CHAF1B: variants seen among roughly 807,000 people sequenced by gnomAD.
The protein encoded by CHAF1B is chromatin assembly factor 1 subunit B.
CHAF1B carries 10 observed loss-of-function variants against 60.7 expected under a neutral mutation model. That is an observed-to-expected ratio of 0.16 (90% CI 0.10 to 0.28). CHAF1B has a LOEUF of 0.28. Ranked by LOEUF, CHAF1B falls within the 10% of genes least tolerant of loss-of-function variation. The probability of loss-of-function intolerance (pLI) is 1.00; values close to 1 mark genes in which losing one functional copy is unlikely to be tolerated. For synonymous variants in CHAF1B, 261 were observed against 266.1 expected (o/e 0.98, Z 0.19); for missense variants, 558 against 708.4 (o/e 0.79, Z 2.41).
chr21:36,401,522 T>C, intron 7 of CHAF1B, among the ~76,000 whole-genome samples: 1 of 73,460 alleles, frequency 1.4e-5, no homozygotes, highest in Non-Finnish European at 2.2e-5. Context: ...ATACATAATA[T>C]ATATTTTTAT....
intron 7 of CHAF1B, 127 bp downstream of exon 7, chr21:36,399,732 G>A: frequency 1.4e-6 from 1 of 734,334 alleles, no homozygotes. Flanking sequence ...CTACAATAAG[G>A]CTTCCTTTTG....
At chr21:36,389,807 G>GCGCGCGCGCGCGCGCGCA (rs1479136405) in intron 3 of CHAF1B, among the ~76,000 whole-genome samples, 1 of 150,792 alleles carries the variant, frequency 6.6e-6, no homozygotes, top group African/African-American at 2.4e-5. Flanking sequence ...GTGTGCGCGC[G>GCGCGCGCGCGCGCGCGCA]CACGCTGATT....
At chr21:36,386,610 T>C (rs917046293) in intron 2 of CHAF1B, among the ~76,000 whole-genome samples, 4 of 152,182 alleles carry the variant, frequency 2.6e-5, no homozygotes, top group Admixed American at 6.5e-5. Context: ...AGTAAATGAA[T>C]GAATGAATTA....
At chr21:36,408,363 A>G (rs1238522923) in intron 8 of CHAF1B, among the ~76,000 whole-genome samples, 5 of 152,170 alleles carry the variant, frequency 3.3e-5, no homozygotes, top group Non-Finnish European at 7.4e-5. Flanking sequence ...ATGGCATCCA[A>G]GGCTGGAATC....
At chr21:36,397,375 TA>T in intron 5 of CHAF1B, 39 bp from the exon 6 acceptor site, 1 of 1,066,052 alleles carries the variant, frequency 9.4e-7, no homozygotes, top group Non-Finnish European at 1.4e-6. Flanking sequence ...CAGGTTTTGG[TA>T]ATGCTGTTTT....
At chr21:36,388,107 G>A (rs1017407968) in intron 3 of CHAF1B, among the ~76,000 whole-genome samples, 8 of 152,176 alleles carry the variant, frequency 5.3e-5, no homozygotes, top group African/African-American at 1.7e-4. Context: ...ACAGGCGTGA[G>A]CCACTGCGCC....
intron 5 of CHAF1B, 32 bp from the exon 6 acceptor site, chr21:36,397,383 T>G: frequency 1.7e-6 from 2 of 1,209,512 alleles, no homozygotes; most frequent in Non-Finnish European, 2.4e-6. Context: ...GGTAATGCTG[T>G]TTTGGTGCGT....
At chr21:36,393,520 C>T (rs963609349) in intron 4 of CHAF1B, among the ~76,000 whole-genome samples, 53 of 139,792 alleles carry the variant, frequency 3.8e-4, no homozygotes, top group Non-Finnish European at 6.5e-4. Context: ...GGCATGATCT[C>T]GGCTCACCGC....
Position 36,394,662 on chromosome 21 carries a change from AT to A in CHAF1B, c.481+17del. 1.3e-6 allele frequency: 2 copies of A among 1,535,228 alleles called. No homozygotes were observed. The highest frequency in any genetic ancestry group is 1.4e-5 in the African/African-American group (1 of 72,424). On this transcript the variant is annotated intron_variant, in intron 5 of 13. Transcript: ENST00000314103. ...GGATGTCAGCAAAGGTAAATGATATATTTTTGTTATTAGCAGGAAGAAATAT... is the reference window on the plus strand; with the variant it reads ...GGATGTCAGCAAAGGTAAATGATATATTTTGTTATTAGCAGGAAGAAATAT...
In CHAF1B at chr21:36,416,404, C is replaced by T. The variant is rs377511926; in HGVS notation, c.*38C>T. 6.7e-5 allele frequency: 105 copies of T among 1,564,524 alleles called. 1 individual carries two copies. In the Admixed American group the frequency reaches 1.4e-3, roughly 21 times the overall value. ...TTCTGCTCGAAGCCTACCAGGCTCC[C>T]GGTGTGTGCAGGGAGACGGTAAAGC... On this transcript the variant is annotated 3_prime_UTR_variant, in exon 14 of 14. Coordinates refer to ENST00000314103, the MANE Select transcript of CHAF1B (RefSeq NM_005441.3).
chr21:36,411,516 G>T lies in CHAF1B; in HGVS notation c.973G>T (p.Asp325Tyr), dbSNP rs780072017. 6.2e-7 allele frequency: 1 copy of T among 1,614,112 alleles called. No homozygotes were observed. Among genetic ancestry groups the T allele is most frequent in the East Asian group, 2.2e-5 (1 of 44,880 alleles). Residue 325 changes from aspartate to tyrosine, a missense_variant, in exon 11 of 14, where the codon GAT becomes TAT. Around this residue, in one of 2 missense-constraint regions of CHAF1B, gnomAD observed 325 missense variants for 493.5 expected, o/e 0.66. Coordinates refer to ENST00000314103, the MANE Select transcript of CHAF1B (RefSeq NM_005441.3). ...YRLVFAVASEDSVLLYDTQQS... is the reference protein window; with the variant it reads ...YRLVFAVASEYSVLLYDTQQS... The stretch of plus-strand genomic sequence containing the variant: ...CCTGGTGTTTGCTGTGGCCTCGGAG[G>T]ATTCCGTGCTTCTGTATGACACCCA...
At chr21:36,398,513 C>A (rs909106732) in intron 6 of CHAF1B, among the ~76,000 whole-genome samples, 2 of 152,038 alleles carry the variant, frequency 1.3e-5, no homozygotes, top group East Asian at 1.9e-4. Context: ...GTGTGTACCA[C>A]CATGCCTGGC....
At chr21:36,401,208 G>A (rs934956842) in intron 7 of CHAF1B, among the ~76,000 whole-genome samples, 30 of 151,170 alleles carry the variant, frequency 2.0e-4, no homozygotes, top group Admixed American at 1.6e-3. Context: ...TGGAGTTTGC[G>A]GTGAGCCGAG....
chr21:36,407,104 C>G (rs1318996236), intron 8 of CHAF1B, among the ~76,000 whole-genome samples: 1 of 152,030 alleles, frequency 6.6e-6, no homozygotes, highest in East Asian at 1.9e-4. Flanking sequence ...GAGTTCAAGA[C>G]CAGCCTGGCC....
chr21:36,399,694 C>A, intron 7 of CHAF1B, 89 bp downstream of exon 7: 2 of 1,047,688 alleles, frequency 1.9e-6, no homozygotes, highest in African/African-American at 1.6e-5. Context: ...GCAGCCAAAT[C>A]ACTGGCCACA....
chr21:36,392,748 G>A (rs1428105304), intron 4 of CHAF1B, among the ~76,000 whole-genome samples: 2 of 151,902 alleles, frequency 1.3e-5, no homozygotes, highest in East Asian at 1.9e-4. Context: ...GGGCAGAGGC[G>A]CTCCCCACAT....
rs1385215994 is a variant in CHAF1B, at chr21:36,401,610, C to CATAATATATATTTTTATATTATAT, written c.664-1121_664-1098dup. On this transcript the variant is annotated intron_variant, in intron 7 of 13. Transcript: ENST00000314103. Reference sequence around the variant, plus strand: ...TACATAATATATATTTTATATTATACATAATATATATTTTTATATTATATA... The same window carrying CATAATATATATTTTTATATTATAT: ...TACATAATATATATTTTATATTATACATAATATATATTTTTATATTATATATAATATATATTTTTATATTATATA... 3.2e-5 allele frequency among the ~76,000 whole-genome samples: 4 copies of CATAATATATATTTTTATATTATAT among 126,542 alleles called. 1 individual carries two copies. Among genetic ancestry groups the CATAATATATATTTTTATATTATAT allele is most frequent in the Non-Finnish European group, 4.8e-5 (3 of 62,416 alleles). The allele number at this position is 126,542 out of a possible 152,430, so 83.0% of individuals were successfully genotyped here.
At chr21:36,412,660 C>T in intron 11 of CHAF1B, 1 of 537,820 alleles carries the variant, frequency 1.9e-6, no homozygotes, top group Non-Finnish European at 3.3e-6. Flanking sequence ...CCGCACCCGG[C>T]CTATTCAAGT....
intron 2 of CHAF1B, among the ~76,000 whole-genome samples, chr21:36,387,124 G>A (rs879717876): frequency 6.6e-6 from 1 of 152,136 alleles, no homozygotes; most frequent in South Asian, 2.1e-4. Context: ...GAAAGAAGGC[G>A]GAGGGGGACA....
Sources: allele counts gnomAD v4.1 joint callset (sites outside exome capture counted in the v4.1 genomes callset), GRCh38; gene constraint gnomAD v4.1.1; regional missense constraint gnomAD v4.1.1; transcripts MANE v1.5; gene names NCBI Gene and HGNC (gene_info 2026-07-23, HGNC 2026-07-21).